CCDC167: variants seen among roughly 807,000 people sequenced by gnomAD.
The protein encoded by CCDC167 is coiled-coil domain containing 167.
In CCDC167, 15 loss-of-function variants were observed where a neutral mutation model predicts 12.7. The ratio of observed to expected loss-of-function variants is 1.18; its 90% CI spans 0.79 to 1.81. The LOEUF is 1.81. CCDC167 is among the 40% of genes most tolerant of loss of function. The pLI, the probability that CCDC167 is intolerant of heterozygous loss-of-function variation, is 0.00. For synonymous variants in CCDC167, 52 were observed against 49.0 expected, an observed-to-expected ratio of 1.06 and a Z score of -0.26; for missense variants, 121 against 120.1, an observed-to-expected ratio of 1.01 and a Z score of -0.03.
At chr6:37,485,840 A>C (rs1237648115) in intron 1 of CCDC167, among the ~76,000 whole-genome samples, 2 of 152,230 alleles carry the variant, frequency 1.3e-5, no homozygotes, top group Non-Finnish European at 2.9e-5. Context: ...TCTTAAGCAA[A>C]AACTTTACCT....
intron 1 of CCDC167, among the ~76,000 whole-genome samples, chr6:37,490,646 G>A (rs79676513): frequency 6.6e-6 from 1 of 152,118 alleles, no homozygotes; most frequent in South Asian, 2.1e-4. Context: ...CCACAGAGGG[G>A]GTGTTCTGTG....
At chr6:37,486,099 G>A (rs1489161963) in intron 1 of CCDC167, among the ~76,000 whole-genome samples, 1 of 152,184 alleles carries the variant, frequency 6.6e-6, no homozygotes, top group Admixed American at 6.5e-5. Context: ...GAAGGGTTCA[G>A]GGGGCTCTGT....
intron 1 of CCDC167, among the ~76,000 whole-genome samples, chr6:37,493,996 T>A (rs532016000): frequency 6.6e-6 from 1 of 151,678 alleles, no homozygotes; most frequent in African/African-American, 2.4e-5. Flanking sequence ...TCCGGTGCTC[T>A]TCCTGGCCTA....
intron 1 of CCDC167, among the ~76,000 whole-genome samples, chr6:37,499,499 C>T (rs546718295): frequency 6.6e-6 from 1 of 152,080 alleles, no homozygotes; most frequent in South Asian, 2.1e-4. Context: ...CTGTACCCAT[C>T]CCTTTTGTTC....
intron 1 of CCDC167, among the ~76,000 whole-genome samples, chr6:37,487,515 T>C (rs978026352): frequency 3.9e-5 from 6 of 152,210 alleles, no homozygotes; most frequent in Non-Finnish European, 5.9e-5. Flanking sequence ...GCTTTGCAGA[T>C]TGCCCAGTGC....
intron 3 of CCDC167, 100 bp downstream of exon 3, chr6:37,484,710 C>T: frequency 7.2e-7 from 1 of 1,387,870 alleles, no homozygotes; most frequent in Non-Finnish European, 1.0e-6. Flanking sequence ...CCAAAGAACC[C>T]CCTTGCTCCC....
intron 1 of CCDC167, among the ~76,000 whole-genome samples, chr6:37,490,077 C>T (rs185876136): frequency 1.3e-5 from 2 of 152,204 alleles, no homozygotes; most frequent in African/African-American, 4.8e-5. Flanking sequence ...GCAGGGGGCA[C>T]AGGGCTGCGA....
rs746029085 is a variant in CCDC167 at position 37,483,261 on chromosome 6, C to T, written c.219G>A (p.Glu73=). The T allele has an allele frequency of 1.2e-6, 2 of 1,614,054 alleles. No individual in the cohort carries two copies. Among genetic ancestry groups the T allele is most frequent in the Middle Eastern group, 1.6e-4 (1 of 6,062 alleles). The change falls in exon 4 of 4, where the codon GAG becomes GAA. Residue 73 remains glutamate, a synonymous_variant. Coordinates refer to ENST00000373408, the MANE Select transcript of CCDC167 (RefSeq NM_138493.3). ...CAGAGAGCAGCATGTTCTTCCGGTT[C>T]TCTTGCCGAAGAAACTTCAGTTCCT... The part of the protein sequence containing the change: ...YEKELKFLRQ[E]NRKNMLLSVA...
In CCDC167 at chr6:37,490,364, A is replaced by G. The variant is rs950937505; in HGVS notation, c.43-5170T>C. Among the ~76,000 whole-genome samples, 10 of 152,136 alleles carry G rather than the reference A, an allele frequency of 6.6e-5. 1 individual carries two copies. On this transcript the variant is annotated intron_variant, in intron 1 of 3. Transcript: ENST00000373408. ...CCTAGGCAGGGGAGACACAGAGCAC[A>G]AAGGAAGAGGGGAGGAGGAAGGAAA...
At chr6:37,489,256 A>AC (rs10666606) in intron 1 of CCDC167, among the ~76,000 whole-genome samples, 62,534 of 147,898 alleles carry the variant, frequency 0.42, 15,570 homozygotes, top group Middle Eastern at 0.6. Context: ...AAACAAACAA[A>AC]AAAAAACAGC....
chr6:37,495,840 C>T (rs556590961), intron 1 of CCDC167, among the ~76,000 whole-genome samples: 6 of 152,306 alleles, frequency 3.9e-5, no homozygotes, highest in South Asian at 2.1e-4. Flanking sequence ...TTCATTGGCT[C>T]TGAGCACACA....
chr6:37,487,372 G>A (rs1020963836), intron 1 of CCDC167, among the ~76,000 whole-genome samples: 1 of 152,206 alleles, frequency 6.6e-6, no homozygotes, highest in Non-Finnish European at 1.5e-5. Context: ...AGCTTGGGTG[G>A]GACTGAGGGG....
At chr6:37,492,525 C>T (rs998400815) in intron 1 of CCDC167, among the ~76,000 whole-genome samples, 3 of 152,242 alleles carry the variant, frequency 2.0e-5, no homozygotes, top group Non-Finnish European at 4.4e-5. Flanking sequence ...ATCACCTCGA[C>T]TGTCAAAGCA....
Position 37,496,421 on chromosome 6 carries a change from A to G in CCDC167, c.42+3401T>C, listed in dbSNP as rs553539299. Among the ~76,000 whole-genome samples the G allele has an allele frequency of 6.9e-4, 105 of 152,198 alleles. No homozygotes were observed. The South Asian group carries it at 0.02, about 29-fold the overall frequency. On this transcript the variant is annotated intron_variant, in intron 1 of 3. Coordinates refer to ENST00000373408, the MANE Select transcript of CCDC167 (RefSeq NM_138493.3). ...TGCACTACAGCCTGGGCAACAGAGC[A>G]AGACCCTGTCTAAAAATAAAATAAA...
At position 37,483,148 on chromosome 6, in the gene CCDC167, A is replaced by G. The variant is rs533701063; in HGVS notation, c.*38T>C. On this transcript the variant is annotated 3_prime_UTR_variant, in exon 4 of 4. Transcript: ENST00000373408. ...CCTGCTTGATCCTGATCAAGGGGCC[A>G]AGTGGAAGCCTGTGCTGGTTGTGGG... The G allele has an allele frequency of 6.6e-7, 1 of 1,511,786 alleles. No homozygotes were observed. The highest frequency in any genetic ancestry group is 1.4e-5 in the African/African-American group (1 of 73,018). 93.6% of individuals were successfully genotyped at this position (1,511,786 alleles called of 1,614,324 possible).
intron 1 of CCDC167, among the ~76,000 whole-genome samples, chr6:37,494,525 A>G (rs925270608): frequency 9.9e-5 from 15 of 152,188 alleles, no homozygotes; most frequent in African/African-American, 2.9e-4. Flanking sequence ...AGCTCAGCAG[A>G]TGCTCTCCCA....
At position 37,485,111 on chromosome 6, in the gene CCDC167, G is replaced by A. The variant is rs770777205; in HGVS notation, c.126C>T (p.Ser42=). ...GGCAGGAGCATTACCTGGCCTCTGG[G>A]CTCAGCTCCCGGCTGTGGAGTCTGG... The part of the protein sequence containing the change: ...VNSRLHSREL[S]PEARRSLEKE... The change falls in exon 2 of 4, where the codon AGC becomes AGT. Residue 42 remains serine (S), a synonymous_variant. Transcript: ENST00000373408. 6.2e-7 allele frequency: 1 copy of A among 1,612,352 alleles called. No individual in the cohort carries two copies. The highest frequency in any genetic ancestry group is 8.5e-7 in the Non-Finnish European group (1 of 1,179,780).
intron 1 of CCDC167, among the ~76,000 whole-genome samples, chr6:37,497,003 C>T (rs1410921894): frequency 1.3e-5 from 2 of 152,184 alleles, no homozygotes; most frequent in Non-Finnish European, 1.5e-5. Context: ...GACAAGATCT[C>T]AAGAGATGGT....
chr6:37,499,268 A>G (rs977587311), intron 1 of CCDC167, among the ~76,000 whole-genome samples: 2 of 152,260 alleles, frequency 1.3e-5, no homozygotes, highest in Non-Finnish European at 2.9e-5. Context: ...TTTTTAAGCC[A>G]TTCAGTGACA....
Sources: gnomAD v4.1 joint callset for allele counts (sites outside exome capture counted in the v4.1 genomes callset) on GRCh38, gnomAD v4.1.1 for gene constraint, MANE v1.5 for transcripts, NCBI Gene and HGNC (gene_info 2026-07-23, HGNC 2026-07-21) for gene names.